SLC14A2: variants seen among roughly 807,000 people sequenced by gnomAD.
The protein encoded by SLC14A2 is solute carrier family 14 member 2.
Under a neutral mutation model 104.6 loss-of-function variants are expected in SLC14A2, and 91 were observed. The ratio of observed to expected loss-of-function variants is 0.87; its 90% CI spans 0.73 to 1.04. SLC14A2 has a LOEUF of 1.04. Ranked by LOEUF, SLC14A2 falls within the 50% of genes least tolerant of loss-of-function variation. SLC14A2 has a pLI of 0.00. For synonymous variants in SLC14A2, 476 were observed against 466.4 expected, an observed-to-expected ratio of 1.02 and a Z score of -0.27; for missense variants, 1,189 against 1,156.0, an observed-to-expected ratio of 1.03 and a Z score of -0.41.
chr18:45,218,674 A>ATG (rs1156992555), intron 1 of SLC14A2, among the ~76,000 whole-genome samples: 1 of 152,194 alleles, frequency 6.6e-6, no homozygotes, highest in East Asian at 1.9e-4. Context: ...TTTAAATTTT[A>ATG]TGTCTTTAAG....
intron 1 of SLC14A2, among the ~76,000 whole-genome samples, chr18:45,318,953 G>C (rs1362892761): frequency 6.6e-6 from 1 of 152,064 alleles, no homozygotes; most frequent in Non-Finnish European, 1.5e-5. Flanking sequence ...TTGTCAAAGG[G>C]ACTAGAGAAT....
At chr18:45,364,264 T>C (rs959078459) in intron 1 of SLC14A2, among the ~76,000 whole-genome samples, 5 of 152,126 alleles carry the variant, frequency 3.3e-5, no homozygotes, top group Admixed American at 2.0e-4. Context: ...TTGCTATGCT[T>C]AGAAGGCAAT....
intron 2 of SLC14A2, among the ~76,000 whole-genome samples, chr18:45,506,522 T>C (rs1395574937): frequency 2.0e-5 from 3 of 152,054 alleles, no homozygotes; most frequent in Admixed American, 2.0e-4. Flanking sequence ...TAATCCTAGA[T>C]AGGGCGGACC....
intron 2 of SLC14A2, among the ~76,000 whole-genome samples, chr18:45,506,476 G>GT: frequency 6.6e-6 from 1 of 152,256 alleles, no homozygotes; most frequent in Admixed American, 6.5e-5. Context: ...TGGAATAAGA[G>GT]TTTTTTGCAG....
chr18:45,444,243 G>C (rs2086728144), intron 1 of SLC14A2, among the ~76,000 whole-genome samples: 1 of 152,194 alleles, frequency 6.6e-6, no homozygotes, highest in Non-Finnish European at 1.5e-5. Flanking sequence ...GCTCTGGCTA[G>C]GGAGTCTGGA....
upstream of SLC14A2, among the ~76,000 whole-genome samples, chr18:45,611,838 CCAT>C (rs1332490322): frequency 6.6e-6 from 1 of 152,172 alleles, no homozygotes; most frequent in Non-Finnish European, 1.5e-5. Flanking sequence ...AGCTTACACC[CCAT>C]CATGAGATTG....
intron 1 of SLC14A2, among the ~76,000 whole-genome samples, chr18:45,328,032 G>A (rs1330137755): frequency 6.6e-6 from 1 of 152,130 alleles, no homozygotes; most frequent in Admixed American, 6.5e-5. Flanking sequence ...CACTTAAGCA[G>A]GTTTGGTAAA....
chr18:45,256,041 G>A (rs188539099), intron 1 of SLC14A2, among the ~76,000 whole-genome samples: 207 of 152,198 alleles, frequency 1.4e-3, no homozygotes, highest in Non-Finnish European at 2.6e-3. Context: ...CCTTTGTCTC[G>A]CCCACTGACA....
In SLC14A2 at chr18:45,255,815, C is replaced by T. The variant is rs527356650; in HGVS notation, c.-125+42624C>T. Among the ~76,000 whole-genome samples the T allele has an allele frequency of 7.6e-4, 116 of 151,852 alleles. 1 individual carries two copies. In the South Asian group the frequency reaches 0.01, roughly 13 times the overall value. On this transcript the variant is annotated intron_variant, in intron 1 of 20. Transcript: ENST00000586448. ...GAAAAGCATAAGCCACCAGCCCCTG[C>T]ACCCCCTGCACCCCCTTCAATGGTG...
chr18:45,355,799 C>T (rs1297647786), intron 1 of SLC14A2, among the ~76,000 whole-genome samples: 3 of 152,052 alleles, frequency 2.0e-5, no homozygotes, highest in African/African-American at 7.2e-5. Context: ...GGTGGGCTGA[C>T]TAGGGAGCAT....
chr18:45,383,427 T>C (rs978312853), intron 1 of SLC14A2, among the ~76,000 whole-genome samples: 1 of 152,114 alleles, frequency 6.6e-6, no homozygotes, highest in African/African-American at 2.4e-5. Flanking sequence ...GTTTAGATGG[T>C]CTTAGAGATT....
rs566759466 is a variant in SLC14A2 at position 45,607,322 on chromosome 18, A to G, written c.-34-17309A>G. On this transcript the variant is annotated intron_variant, in intron 2 of 20. Transcript: ENST00000586448. ...TCCTGCAAAACTGTGAAACCAACAG[A>G]TCTTTCTTACATGGTCTGTCATCCC... Among the ~76,000 whole-genome samples, 122 of 152,288 alleles carry G rather than the reference A, an allele frequency of 8.0e-4. 1 individual carries two copies. Among genetic ancestry groups the G allele is most frequent in the African/African-American group, 2.8e-3 (118 of 41,572 alleles).
intron 1 of SLC14A2, among the ~76,000 whole-genome samples, chr18:45,461,792 T>G (rs1220445574): frequency 1.3e-5 from 2 of 152,250 alleles, no homozygotes; most frequent in African/African-American, 4.8e-5. Context: ...ATTACTCATC[T>G]TCAGCATTTT....
At chr18:45,347,606 G>A (rs1371015580) in intron 1 of SLC14A2, among the ~76,000 whole-genome samples, 1 of 152,032 alleles carries the variant, frequency 6.6e-6, no homozygotes, top group African/African-American at 2.4e-5. Context: ...CATCTCTCCT[G>A]GTGCTAATAC....
chr18:45,388,858 A>T (rs2085930142), intron 1 of SLC14A2, among the ~76,000 whole-genome samples: 1 of 152,220 alleles, frequency 6.6e-6, no homozygotes, highest in African/African-American at 2.4e-5. Context: ...AAAGCAAAGG[A>T]ATTATGCTTC....
chr18:45,418,657 G>C (rs1001102089), intron 1 of SLC14A2, among the ~76,000 whole-genome samples: 1 of 152,144 alleles, frequency 6.6e-6, no homozygotes, highest in Non-Finnish European at 1.5e-5. Flanking sequence ...GCATTTATTT[G>C]GATGGCATCA....
At chr18:45,438,636 A>G (rs990717013) in intron 1 of SLC14A2, among the ~76,000 whole-genome samples, 2 of 152,222 alleles carry the variant, frequency 1.3e-5, no homozygotes, top group African/African-American at 4.8e-5. Flanking sequence ...AAACAATTCC[A>G]TTTCTACTCA....
At chr18:45,373,446 T>C (rs1176986881) in intron 1 of SLC14A2, among the ~76,000 whole-genome samples, 4 of 152,220 alleles carry the variant, frequency 2.6e-5, no homozygotes, top group Non-Finnish European at 5.9e-5. Flanking sequence ...TTCCTCTTTT[T>C]CTTCATAGCA....
chr18:45,514,229 C>G (rs955219598), intron 2 of SLC14A2, among the ~76,000 whole-genome samples: 2 of 152,104 alleles, frequency 1.3e-5, no homozygotes, highest in African/African-American at 4.8e-5. Context: ...TCTGGGGAGG[C>G]CTCAGGAAAC....
Sources: allele counts gnomAD v4.1 joint callset (sites outside exome capture counted in the v4.1 genomes callset), GRCh38; gene constraint gnomAD v4.1.1; transcripts MANE v1.5; gene names NCBI Gene and HGNC (gene_info 2026-07-23, HGNC 2026-07-21).